Variants in IMMP2L observed in about 807,000 individuals in gnomAD.
The protein encoded by IMMP2L is mitochondrial inner membrane protease subunit 2.
In IMMP2L, 18 loss-of-function variants were observed where a neutral mutation model predicts 19.3. The observed-to-expected ratio is 0.93, with a 90% CI of 0.64 to 1.38. The LOEUF (loss-of-function observed/expected upper bound fraction) is 1.38, where lower values mean the gene tolerates loss of function less well. Among genes scored for constraint, IMMP2L ranks in the 40% most tolerant of loss-of-function variants. The pLI is 0.00. For synonymous variants in IMMP2L, 76 were observed against 73.0 expected (o/e 1.04, Z -0.21); for missense variants, 233 against 218.2 (o/e 1.07, Z -0.43).
In IMMP2L at chr7:111,364,733, C is replaced by T. The variant is rs746854429; in HGVS notation, c.239+122505G>A. ...CTCCTGTAATCCCAGCACTTTGGGACGCCAAGGCAGGCGAATCACTTGAGG... is the reference window on the plus strand; with the variant it reads ...CTCCTGTAATCCCAGCACTTTGGGATGCCAAGGCAGGCGAATCACTTGAGG... On this transcript the variant is annotated intron_variant, in intron 3 of 5. Coordinates refer to ENST00000405709, the MANE Select transcript of IMMP2L (RefSeq NM_032549.4). 6.7e-4 allele frequency among the ~76,000 whole-genome samples: 101 copies of T among 151,654 alleles called. 1 individual carries two copies. The highest frequency in any genetic ancestry group is 3.4e-3 in the Middle Eastern group (1 of 292).
intron 3 of IMMP2L, among the ~76,000 whole-genome samples, chr7:110,992,696 C>G (rs985613441): frequency 6.6e-6 from 1 of 151,854 alleles, no homozygotes; most frequent in Non-Finnish European, 1.5e-5. Context: ...TTAATCAGAT[C>G]ACTCAAGCAT....
At chr7:111,308,154 A>G (rs1348797830) in intron 3 of IMMP2L, among the ~76,000 whole-genome samples, 1 of 151,990 alleles carries the variant, frequency 6.6e-6, no homozygotes, top group Non-Finnish European at 1.5e-5. Context: ...AAAAAATCCC[A>G]GGCTAAAAAG....
At chr7:111,539,775 T>C (rs1181800609) in intron 1 of IMMP2L, among the ~76,000 whole-genome samples, 2 of 152,170 alleles carry the variant, frequency 1.3e-5, no homozygotes, top group Admixed American at 6.5e-5. Context: ...GTTTGCACTA[T>C]ATAATTCAAG....
chr7:110,722,277 A>C (rs902226609), intron 5 of IMMP2L, among the ~76,000 whole-genome samples: 1 of 152,134 alleles, frequency 6.6e-6, no homozygotes, highest in Non-Finnish European at 1.5e-5. Flanking sequence ...ACTGAGGGTT[A>C]TATTACTAAT....
intron 3 of IMMP2L, among the ~76,000 whole-genome samples, chr7:111,053,502 G>A (rs1793205243): frequency 6.6e-6 from 1 of 152,184 alleles, no homozygotes; most frequent in Non-Finnish European, 1.5e-5. Flanking sequence ...GGGAGCTGCT[G>A]ATCACCAATT....
chr7:110,901,134 T>C (rs1381898336), intron 4 of IMMP2L, among the ~76,000 whole-genome samples: 1 of 152,142 alleles, frequency 6.6e-6, no homozygotes, highest in Non-Finnish European at 1.5e-5. Flanking sequence ...CTCTTCAGCA[T>C]ACTTTTCTTC....
chr7:111,536,519 C>A (rs569137601), intron 1 of IMMP2L, among the ~76,000 whole-genome samples: 5 of 152,014 alleles, frequency 3.3e-5, no homozygotes, highest in Non-Finnish European at 5.9e-5. Flanking sequence ...GTTGCCCAGG[C>A]TGGTCACAAA....
intron 3 of IMMP2L, among the ~76,000 whole-genome samples, chr7:111,004,229 G>A (rs1000844331): frequency 3.3e-5 from 5 of 151,946 alleles, no homozygotes; most frequent in Non-Finnish European, 2.9e-5. Context: ...CTCTTTTGGA[G>A]TGCAATGGCA....
intron 3 of IMMP2L, among the ~76,000 whole-genome samples, chr7:110,995,023 T>C (rs928411894): frequency 6.6e-6 from 1 of 152,068 alleles, no homozygotes; most frequent in South Asian, 2.1e-4. Flanking sequence ...CATTGAAAAT[T>C]AGAGAGCTGC....
rs200485926 is a variant in IMMP2L, at chr7:110,896,484, ATCC to A, written c.306-9792_306-9790del. ...ATTTTATTTTTCAAAAAAAATATTT[ATCC>A]ATTTTCAATTGGATTGTTTGTCTTT... On this transcript the variant is annotated intron_variant, in intron 4 of 5. Coordinates refer to ENST00000405709, the MANE Select transcript of IMMP2L (RefSeq NM_032549.4). 4.7e-4 allele frequency among the ~76,000 whole-genome samples: 13 copies of A among 27,494 alleles called. 1 individual carries two copies. Among genetic ancestry groups the A allele is most frequent in the African/African-American group, 6.1e-4 (1 of 1,640 alleles). The allele number at this position is 27,494 out of a possible 152,430, so 18.0% of individuals were successfully genotyped here.
intron 3 of IMMP2L, among the ~76,000 whole-genome samples, chr7:111,085,840 C>T (rs1796274729): frequency 6.6e-6 from 1 of 152,166 alleles, no homozygotes; most frequent in South Asian, 2.1e-4. Flanking sequence ...GTTGCAGGGA[C>T]ATGGATGCAG....
chr7:111,473,030 A>G (rs1001850308), intron 3 of IMMP2L, among the ~76,000 whole-genome samples: 3 of 152,224 alleles, frequency 2.0e-5, no homozygotes, highest in Admixed American at 6.5e-5. Flanking sequence ...TTAATTTTGT[A>G]CGTATACCCT....
rs762576425 is a variant in IMMP2L, at chr7:111,268,569, C to CTTTTTTTTTTTTTTTTTTTTTTTT, written c.239+218645_239+218668dup. Among the ~76,000 whole-genome samples, 6 of 44,562 alleles carry CTTTTTTTTTTTTTTTTTTTTTTTT rather than the reference C, an allele frequency of 1.3e-4. 2 individuals are homozygous for CTTTTTTTTTTTTTTTTTTTTTTTT. Among genetic ancestry groups the CTTTTTTTTTTTTTTTTTTTTTTTT allele is most frequent in the African/African-American group, 2.0e-4 (2 of 9,806 alleles). 29.2% of individuals were successfully genotyped at this position (44,562 alleles called of 152,430 possible). ...GATATGAGTTAAACTTCACATTTCTCTTTTTTTTTTTTTTTTTTTTTTTTT... is the reference window on the plus strand; with the variant it reads ...GATATGAGTTAAACTTCACATTTCTCTTTTTTTTTTTTTTTTTTTTTTTTTTTTTTTTTTTTTTTTTTTTTTTTT... On this transcript the variant is annotated intron_variant, in intron 3 of 5. Coordinates refer to ENST00000405709, the MANE Select transcript of IMMP2L (RefSeq NM_032549.4).
Position 111,509,593 on chromosome 7 carries a change from C to T in IMMP2L, c.135+11720G>A, listed in dbSNP as rs144836159. Among the ~76,000 whole-genome samples the T allele has an allele frequency of 5.0e-3, 761 of 152,216 alleles. 6 individuals are homozygous for T. The highest frequency in any genetic ancestry group is 0.024 in the Middle Eastern group (7 of 294). ...AGGTTATGACCAGAACAGAAAATATCAGAGGGCATTGCACATAATGATAGT... is the reference window on the plus strand; with the variant it reads ...AGGTTATGACCAGAACAGAAAATATTAGAGGGCATTGCACATAATGATAGT... On this transcript the variant is annotated intron_variant, in intron 2 of 5. Transcript: ENST00000405709.
At chr7:111,365,173 C>T (rs191819305) in intron 3 of IMMP2L, among the ~76,000 whole-genome samples, 22 of 152,148 alleles carry the variant, frequency 1.4e-4, no homozygotes, top group African/African-American at 4.8e-4. Flanking sequence ...AAAATTAATA[C>T]CCCGCAGTGG....
At chr7:111,000,148 G>A (rs576985358) in intron 3 of IMMP2L, among the ~76,000 whole-genome samples, 44 of 152,172 alleles carry the variant, frequency 2.9e-4, no homozygotes, top group Non-Finnish European at 5.4e-4. Flanking sequence ...ACAGAAATTG[G>A]GGAGAGGAAT....
At chr7:111,502,515 AC>A (rs1844394830) in intron 2 of IMMP2L, among the ~76,000 whole-genome samples, 1 of 152,080 alleles carries the variant, frequency 6.6e-6, no homozygotes, top group Admixed American at 6.5e-5. Flanking sequence ...AACAGAATAT[AC>A]ATTTTTTTTC....
At chr7:110,904,610 C>T (rs150356211) in intron 4 of IMMP2L, among the ~76,000 whole-genome samples, 113 of 152,286 alleles carry the variant, frequency 7.4e-4, no homozygotes, top group African/African-American at 2.3e-3. Context: ...CCTAGCTATA[C>T]GCTTGTTTTT....
rs369260591 is a variant in IMMP2L, at chr7:111,090,840, A to G, written c.240-127275T>C. Among the ~76,000 whole-genome samples, 41 of 152,306 alleles carry G rather than the reference A, an allele frequency of 2.7e-4. 3 individuals are homozygous for G. The East Asian group carries it at 3.3e-3, about 12-fold the overall frequency. On this transcript the variant is annotated intron_variant, in intron 3 of 5. Transcript: ENST00000405709. ...TCCTCTCTATTTGCAGACTGAAAAC[A>G]TATTTCTCTGAATGACTGATAACCT...
Sources: gnomAD v4.1 joint callset for allele counts (sites outside exome capture counted in the v4.1 genomes callset) on GRCh38, gnomAD v4.1.1 for gene constraint, MANE v1.5 for transcripts, NCBI Gene and HGNC (gene_info 2026-07-23, HGNC 2026-07-21) for gene names.